The following CCSER1 variants were observed in gnomAD, a reference collection of about 807,000 sequenced individuals.
CCSER1 encodes the protein coiled-coil serine rich protein 1, also known as serine-rich coiled-coil domain-containing protein 1.
In CCSER1, 41 loss-of-function variants were observed where a neutral mutation model predicts 82.0. The ratio of observed to expected loss-of-function variants is 0.50; its 90% confidence interval spans 0.39 to 0.65. The LOEUF is 0.65. CCSER1 is among the 30% of genes least tolerant of loss of function. The pLI is 0.00. For synonymous variants in CCSER1, 414 were observed against 383.9 expected (o/e 1.08, Z -0.92); for missense variants, 1,119 against 1,064.2 (o/e 1.05, Z -0.72).
intron 10 of CCSER1, among the ~76,000 whole-genome samples, chr4:91,268,123 C>T (rs1170973402): frequency 6.6e-6 from 1 of 152,116 alleles, no homozygotes; most frequent in African/African-American, 2.4e-5. Flanking sequence ...TGAAATTAAT[C>T]ATACCAAAAT....
intron 3 of CCSER1, among the ~76,000 whole-genome samples, chr4:90,323,113 G>A (rs1737475872): frequency 1.3e-5 from 2 of 152,158 alleles, no homozygotes; most frequent in African/African-American, 4.8e-5. Flanking sequence ...TCATTTTAAT[G>A]TAGCTGAGCT....
At chr4:91,191,116 C>A (rs1023828403) in intron 10 of CCSER1, among the ~76,000 whole-genome samples, 1 of 152,094 alleles carries the variant, frequency 6.6e-6, no homozygotes, top group Non-Finnish European at 1.5e-5. Flanking sequence ...TAGGTAAATG[C>A]CAAGCATCAT....
chr4:91,449,740 A>G (rs911963187), intron 10 of CCSER1, among the ~76,000 whole-genome samples: 7 of 152,032 alleles, frequency 4.6e-5, no homozygotes, highest in African/African-American at 1.7e-4. Flanking sequence ...TTTTGTATTT[A>G]GGGACTAAAA....
chr4:91,182,974 G>C (rs1330072828), intron 10 of CCSER1, among the ~76,000 whole-genome samples: 1 of 152,212 alleles, frequency 6.6e-6, no homozygotes, highest in Non-Finnish European at 1.5e-5. Context: ...TGAGACCAGA[G>C]GCATTAACAT....
intron 3 of CCSER1, among the ~76,000 whole-genome samples, chr4:90,328,632 G>A (rs1738656075): frequency 6.6e-6 from 1 of 152,176 alleles, no homozygotes; most frequent in South Asian, 2.1e-4. Flanking sequence ...CGGGCATTGT[G>A]CAAGCAGCAT....
At chr4:90,222,769 T>C (rs1193333016) in intron 1 of CCSER1, among the ~76,000 whole-genome samples, 1 of 152,164 alleles carries the variant, frequency 6.6e-6, no homozygotes, top group African/African-American at 2.4e-5. Context: ...AAACTCTTTC[T>C]GATTTCTTTT....
chr4:90,413,810 G>T (rs6833611), intron 4 of CCSER1, among the ~76,000 whole-genome samples: 5 of 149,370 alleles, frequency 3.3e-5, no homozygotes, highest in African/African-American at 9.8e-5. Context: ...TTAGCCGCGC[G>T]TAGTGGCGGG....
chr4:91,413,117 C>T (rs1753160878), intron 10 of CCSER1, among the ~76,000 whole-genome samples: 1 of 152,010 alleles, frequency 6.6e-6, no homozygotes, highest in African/African-American at 2.4e-5. Context: ...GCTTCAGCAG[C>T]AGACCTGATC....
At chr4:91,058,231 C>A (rs1323616806) in intron 9 of CCSER1, among the ~76,000 whole-genome samples, 1 of 151,940 alleles carries the variant, frequency 6.6e-6, no homozygotes, top group African/African-American at 2.4e-5. Context: ...GTGTTCTCAT[C>A]ATTTGGCTCC....
intron 7 of CCSER1, among the ~76,000 whole-genome samples, chr4:90,725,481 A>G (rs968616367): frequency 6.6e-6 from 1 of 151,514 alleles, no homozygotes; most frequent in Admixed American, 6.6e-5. Context: ...TTGATGGCCA[A>G]CATAGTTATA....
At position 90,957,257 on chromosome 4, in the gene CCSER1, A is replaced by G. The variant is rs1462901364; in HGVS notation, c.2172+33810A>G. Among the ~76,000 whole-genome samples the G allele has an allele frequency of 8.2e-3, 1,002 of 122,014 alleles. 19 individuals carry two copies. Among genetic ancestry groups the G allele is most frequent in the African/African-American group, 0.028 (951 of 34,152 alleles). The allele number at this position is 122,014 out of a possible 152,430, so 80.0% of individuals were successfully genotyped here. ...CCTGGGATTACAGGCCCCCCCCACC[A>G]CGTCCAGCTAATTTTTTTGTTTTTA... On this transcript the variant is annotated intron_variant, in intron 9 of 10. Transcript: ENST00000509176.
intron 10 of CCSER1, among the ~76,000 whole-genome samples, chr4:91,306,457 C>T (rs1356247352): frequency 6.6e-6 from 1 of 151,940 alleles, no homozygotes. Flanking sequence ...AAGTAAATAG[C>T]AAATGTTTTC....
intron 5 of CCSER1, among the ~76,000 whole-genome samples, chr4:90,580,709 T>C (rs1365574828): frequency 6.6e-6 from 1 of 152,180 alleles, no homozygotes; most frequent in Non-Finnish European, 1.5e-5. Flanking sequence ...AACCTTTATG[T>C]TGCAAATTAT....
At chr4:91,168,649 G>A (rs551907333) in intron 10 of CCSER1, among the ~76,000 whole-genome samples, 5 of 152,264 alleles carry the variant, frequency 3.3e-5, no homozygotes, top group East Asian at 1.9e-4. Context: ...TGGGAAGTGA[G>A]GAGTGCCTCT....
intron 2 of CCSER1, among the ~76,000 whole-genome samples, chr4:90,311,741 A>G (rs1483600181): frequency 6.6e-6 from 1 of 152,166 alleles, no homozygotes; most frequent in Non-Finnish European, 1.5e-5. Context: ...CATTGTCTTA[A>G]AAAGTTATTT....
chr4:90,805,358 C>A (rs1580556481), intron 7 of CCSER1, among the ~76,000 whole-genome samples: 1 of 66,538 alleles, frequency 1.5e-5, no homozygotes, highest in African/African-American at 7.1e-5. Context: ...TGTTGGGTGT[C>A]CTTTGGGAGC....
At chr4:90,402,412 C>G (rs1753006410) in intron 4 of CCSER1, among the ~76,000 whole-genome samples, 3 of 151,878 alleles carry the variant, frequency 2.0e-5, no homozygotes, top group African/African-American at 7.3e-5. Context: ...TAGTTTTTTT[C>G]AGGAAAACTT....
At chr4:90,378,332 G>A (rs1254797817) in intron 3 of CCSER1, among the ~76,000 whole-genome samples, 1 of 152,172 alleles carries the variant, frequency 6.6e-6, no homozygotes, top group Non-Finnish European at 1.5e-5. Flanking sequence ...AACAACAAAT[G>A]TGAGCTAGAA....
At chr4:90,266,487 G>C (rs1725248873) in intron 1 of CCSER1, among the ~76,000 whole-genome samples, 1 of 151,576 alleles carries the variant, frequency 6.6e-6, no homozygotes, top group Non-Finnish European at 1.5e-5. Flanking sequence ...ACACAAAAAA[G>C]CACCTACATA....
Sources: gnomAD v4.1 joint callset for allele counts (sites outside exome capture counted in the v4.1 genomes callset) on GRCh38, gnomAD v4.1.1 for gene constraint, MANE v1.5 for transcripts, NCBI Gene and HGNC (gene_info 2026-07-23, HGNC 2026-07-21) for gene names.